ZNRF3: variants seen among roughly 807,000 people sequenced by gnomAD.
ZNRF3 encodes E3 ubiquitin-protein ligase ZNRF3.
ZNRF3 carries 23 observed loss-of-function variants against 72.5 expected under a neutral mutation model. The ratio of observed to expected loss-of-function variants is 0.32; its 90% CI spans 0.23 to 0.45. The LOEUF is 0.45. Among genes scored for constraint, ZNRF3 ranks in the 20% least tolerant of loss-of-function variants. The pLI, the probability that ZNRF3 is intolerant of heterozygous loss-of-function variation, is 1.00. For synonymous variants in ZNRF3, 610 were observed against 545.3 expected (o/e 1.12, Z -1.65); for missense variants, 1,169 against 1,272.1 (o/e 0.92, Z 1.23).
chr22:28,922,894 G>GT (rs2123770570), intron 1 of ZNRF3, among the ~76,000 whole-genome samples: 1 of 152,294 alleles, frequency 6.6e-6, no homozygotes, highest in African/African-American at 2.4e-5. Flanking sequence ...CAGAAGAGGT[G>GT]TAAAGACACA....
chr22:28,932,116 C>G (rs947870447), intron 1 of ZNRF3, among the ~76,000 whole-genome samples: 2 of 152,144 alleles, frequency 1.3e-5, no homozygotes, highest in Non-Finnish European at 2.9e-5. Context: ...ATGGAGAGGA[C>G]CCGTTCAGCC....
intron 2 of ZNRF3, among the ~76,000 whole-genome samples, chr22:29,036,258 G>A (rs912184973): frequency 6.6e-6 from 1 of 152,200 alleles, no homozygotes; most frequent in Non-Finnish European, 1.5e-5. Context: ...TATTACAGAA[G>A]TGGTAAACAA....
chr22:28,945,158 A>G (rs2035029746), intron 1 of ZNRF3, among the ~76,000 whole-genome samples: 1 of 151,732 alleles, frequency 6.6e-6, no homozygotes, highest in African/African-American at 2.4e-5. Flanking sequence ...TCAAAAAAAA[A>G]AAAAAAGTCA....
rs3037492 is a variant in ZNRF3 at position 29,020,776 on chromosome 22, GGTGTGTGTGTGT to G, written c.427-21694_427-21683del. 9.3e-5 allele frequency among the ~76,000 whole-genome samples: 8 copies of G among 86,156 alleles called. No homozygotes were observed. The East Asian group carries it at 1.6e-3, about 17-fold the overall frequency. The allele number at this position is 86,156 out of a possible 152,430, so 56.5% of individuals were successfully genotyped here. A position where few individuals can be genotyped will look rare whatever the true frequency, so the allele number is the denominator to read the frequency against. On this transcript the variant is annotated intron_variant, in intron 2 of 8. Coordinates refer to ENST00000544604, the MANE Select transcript of ZNRF3 (RefSeq NM_001206998.2). The stretch of plus-strand genomic sequence containing the variant: ...GGGGCTTTGTTTTTGTGTGTGTGTG[GGTGTGTGTGTGT>G]GTGTGTGTGTGTGTGTGTGTGTGTT...
rs1424637444 is a variant in ZNRF3, at chr22:29,004,141, AGC to A, written c.426+16941_426+16942del. 2.0e-5 allele frequency among the ~76,000 whole-genome samples: 3 copies of A among 152,248 alleles called. No individual in the cohort carries two copies. The East Asian group carries it at 5.8e-4, about 29-fold the overall frequency. The stretch of plus-strand genomic sequence containing the variant: ...GGACAAAGCCTGCCCTGCTGTCAAC[AGC>A]AAGGCCCGGCTGAGAAGTGGGCTTG... On this transcript the variant is annotated intron_variant, in intron 2 of 8. Coordinates refer to ENST00000544604, the MANE Select transcript of ZNRF3 (RefSeq NM_001206998.2).
intron 1 of ZNRF3, among the ~76,000 whole-genome samples, chr22:28,984,526 G>A (rs1237075208): frequency 6.6e-6 from 1 of 152,194 alleles, no homozygotes; most frequent in East Asian, 1.9e-4. Flanking sequence ...CCCCATAAAT[G>A]TATAAGTAAC....
chr22:29,009,282 A>G (rs1408973872), intron 2 of ZNRF3, among the ~76,000 whole-genome samples: 7 of 152,184 alleles, frequency 4.6e-5, no homozygotes, highest in Admixed American at 4.6e-4. Flanking sequence ...TGGCAGGAGC[A>G]GAAATAACAT....
At chr22:29,026,938 A>C (rs1185213841) in intron 2 of ZNRF3, 1 of 152,248 alleles carries the variant, frequency 6.6e-6, no homozygotes, top group African/African-American at 2.4e-5. Flanking sequence ...GCTTTCCTTA[A>C]GTCTGAGGTA....
At chr22:28,968,674 A>G (rs1601612623) in intron 1 of ZNRF3, among the ~76,000 whole-genome samples, 1 of 152,076 alleles carries the variant, frequency 6.6e-6, no homozygotes, top group African/African-American at 2.4e-5. Flanking sequence ...GTACCATTGC[A>G]CTCCAGCCTG....
rs867329608 is a variant in ZNRF3 at position 29,038,632 on chromosome 22, G to A, written c.427-3863G>A. Reference sequence around the variant, plus strand: ...AGGCATGAGCCACTGCACCTGGCCTGTATTTTTTTAATTTCCTTTCAGAAC... The same window carrying A: ...AGGCATGAGCCACTGCACCTGGCCTATATTTTTTTAATTTCCTTTCAGAAC... On this transcript the variant is annotated intron_variant, in intron 2 of 8. Coordinates refer to ENST00000544604, the MANE Select transcript of ZNRF3 (RefSeq NM_001206998.2). Among the ~76,000 whole-genome samples, 4 of 152,054 alleles carry A rather than the reference G, an allele frequency of 2.6e-5. No individual in the cohort carries two copies. The South Asian group carries it at 8.3e-4, about 32-fold the overall frequency.
chr22:28,981,309 G>T (rs1276176315), intron 1 of ZNRF3, among the ~76,000 whole-genome samples: 2 of 152,174 alleles, frequency 1.3e-5, no homozygotes, highest in Non-Finnish European at 2.9e-5. Context: ...TTGTTATCCA[G>T]ATAAGGACCT....
Position 29,050,104 on chromosome 22 carries a change from T to C in ZNRF3, c.1923T>C (p.Ala641=), listed in dbSNP as rs1253879599. ...TCCCGGCGGTGCACAGTCATGGTGCTGGGCGGGGCGAGCCTTGGCCGGGCC... is the reference window on the plus strand; with the variant it reads ...TCCCGGCGGTGCACAGTCATGGTGCCGGGCGGGGCGAGCCTTGGCCGGGCC... ...EELPAVHSHG[A]GRGEPWPGPA... is the part of the protein sequence containing the mutation. The change falls in exon 8 of 9, where the codon GCT becomes GCC. Residue 641 remains alanine (A), a synonymous_variant. Transcript: ENST00000544604. 1.2e-6 allele frequency: 2 copies of C among 1,607,912 alleles called. No homozygotes were observed. Among genetic ancestry groups the C allele is most frequent in the Non-Finnish European group, 1.7e-6 (2 of 1,179,610 alleles).
chr22:28,988,840 T>C (rs1265457068), intron 2 of ZNRF3, among the ~76,000 whole-genome samples: 4 of 152,174 alleles, frequency 2.6e-5, no homozygotes, highest in Non-Finnish European at 5.9e-5. Context: ...GGCTCCATCT[T>C]TGTGTCTCTC....
intron 1 of ZNRF3, among the ~76,000 whole-genome samples, chr22:28,900,546 T>C (rs2034083028): frequency 6.6e-6 from 1 of 152,238 alleles, no homozygotes; most frequent in African/African-American, 2.4e-5. Flanking sequence ...TGGCATCTGC[T>C]GTTCTAGTGC....
intron 1 of ZNRF3, among the ~76,000 whole-genome samples, chr22:28,920,126 T>C (rs1001217590): frequency 1.3e-5 from 2 of 150,706 alleles, no homozygotes; most frequent in Admixed American, 6.6e-5. Flanking sequence ...TCCGCCACTA[T>C]GCCCAGCTAT....
intron 1 of ZNRF3, among the ~76,000 whole-genome samples, chr22:28,897,222 C>G (rs961762143): frequency 6.6e-6 from 1 of 152,212 alleles, no homozygotes. Flanking sequence ...CTAGCTGCCC[C>G]AGTCTCTCAT....
intron 5 of ZNRF3, 78 bp downstream of exon 5, chr22:29,044,968 T>C: frequency 2.0e-6 from 2 of 1,024,824 alleles, no homozygotes; most frequent in Non-Finnish European, 3.1e-6. Context: ...TCTCGTCACC[T>C]TATTTTTTGA....
chr22:28,910,991 G>T (rs2034305737), intron 1 of ZNRF3, among the ~76,000 whole-genome samples: 1 of 152,186 alleles, frequency 6.6e-6, no homozygotes, highest in African/African-American at 2.4e-5. Flanking sequence ...GCCAAGTGAG[G>T]TGCGGCTGGG....
chr22:28,895,220 C>T (rs1390749317), intron 1 of ZNRF3, among the ~76,000 whole-genome samples: 3 of 152,212 alleles, frequency 2.0e-5, no homozygotes, highest in East Asian at 3.9e-4. Context: ...GGCCCAGCTA[C>T]CCTTGATGTG....
Sources: gnomAD v4.1 joint callset for allele counts (sites outside exome capture counted in the v4.1 genomes callset) on GRCh38, gnomAD v4.1.1 for gene constraint, MANE v1.5 for transcripts, NCBI Gene and HGNC (gene_info 2026-07-23, HGNC 2026-07-21) for gene names.